Variants in AP3B1 observed in about 807,000 individuals in gnomAD.
The protein encoded by AP3B1 is adaptor related protein complex 3 subunit beta 1.
Under a neutral mutation model 132.5 loss-of-function variants are expected in AP3B1, and 61 were observed. That is an observed-to-expected ratio of 0.46 (90% CI 0.37 to 0.57). The LOEUF (loss-of-function observed/expected upper bound fraction) is 0.57, where lower values mean the gene tolerates loss of function less well. AP3B1 is among the 20% of genes least tolerant of loss of function. The pLI, the probability that AP3B1 is intolerant of heterozygous loss-of-function variation, is 0.00. For missense variants in AP3B1, 1,120 were observed against 1,289.4 expected (o/e 0.87, Z 2.01); for synonymous variants, 388 against 438.3 (o/e 0.89, Z 1.43).
chr5:78,130,929 A>T (rs1406360439), intron 15 of AP3B1, among the ~76,000 whole-genome samples: 1 of 152,004 alleles, frequency 6.6e-6, no homozygotes, highest in Non-Finnish European at 1.5e-5. Context: ...ATTAATTTTT[A>T]GGAAATTAAA....
intron 20 of AP3B1, among the ~76,000 whole-genome samples, chr5:78,107,572 T>C (rs1751388304): frequency 6.6e-6 from 1 of 152,164 alleles, no homozygotes; most frequent in Non-Finnish European, 1.5e-5. Flanking sequence ...AAGTAGGAGT[T>C]ACCCTTGGGG....
intron 22 of AP3B1, among the ~76,000 whole-genome samples, chr5:78,086,703 C>T (rs1750271629): frequency 6.6e-6 from 1 of 152,152 alleles, no homozygotes; most frequent in African/African-American, 2.4e-5. Flanking sequence ...ACAGACTGTA[C>T]CATGTCCCTC....
intron 7 of AP3B1, among the ~76,000 whole-genome samples, chr5:78,209,995 G>A (rs1745667594): frequency 6.6e-6 from 1 of 152,134 alleles, no homozygotes; most frequent in Non-Finnish European, 1.5e-5. Flanking sequence ...GAAGAGAGGA[G>A]ACATTATTTC....
chr5:78,015,630 T>C, intron 25 of AP3B1, 82 bp from the exon 26 acceptor site: 9 of 1,431,188 alleles, frequency 6.3e-6, no homozygotes, highest in Non-Finnish European at 6.8e-6. Flanking sequence ...ATGGCCAAAA[T>C]TTTAACTTTT....
chr5:78,065,299 G>A (rs1272748086), intron 22 of AP3B1, among the ~76,000 whole-genome samples: 1 of 152,164 alleles, frequency 6.6e-6, no homozygotes, highest in Non-Finnish European at 1.5e-5. Context: ...TGAGACTCGT[G>A]AGTTCAAGAG....
intron 13 of AP3B1, among the ~76,000 whole-genome samples, chr5:78,159,333 T>C (rs1418514890): frequency 6.6e-6 from 1 of 152,200 alleles, no homozygotes; most frequent in African/African-American, 2.4e-5. Flanking sequence ...TTTCCTATTG[T>C]TGCTGTCACA....
At chr5:78,037,313 A>G (rs961223173) in intron 23 of AP3B1, among the ~76,000 whole-genome samples, 9 of 152,150 alleles carry the variant, frequency 5.9e-5, no homozygotes, top group African/African-American at 2.2e-4. Context: ...TTTTTTAACT[A>G]GGTAAAAAAG....
At chr5:78,289,675 A>G (rs1749428492) in intron 1 of AP3B1, among the ~76,000 whole-genome samples, 1 of 152,018 alleles carries the variant, frequency 6.6e-6, no homozygotes, top group Non-Finnish European at 1.5e-5. Flanking sequence ...TTTTCCTGTT[A>G]GCATCTTCTT....
At chr5:78,034,282 C>T (rs1040244867) in intron 24 of AP3B1, 79 bp downstream of exon 24, 41 of 1,095,412 alleles carry the variant, frequency 3.7e-5, no homozygotes, top group Middle Eastern at 2.4e-4. Context: ...CACACACACA[C>T]AAAAGCTGTT....
At chr5:78,004,823 A>G (rs1347012140) in intron 26 of AP3B1, among the ~76,000 whole-genome samples, 1 of 152,214 alleles carries the variant, frequency 6.6e-6, no homozygotes, top group East Asian at 1.9e-4. Flanking sequence ...CCAGTTTAGG[A>G]ATATAAATCA....
intron 25 of AP3B1, among the ~76,000 whole-genome samples, chr5:78,019,414 C>T (rs772510211): frequency 1.3e-5 from 2 of 152,080 alleles, no homozygotes; most frequent in Non-Finnish European, 2.9e-5. Context: ...AAAAGAATAT[C>T]CCCTTAACAA....
chr5:78,273,986 T>A (rs1580577082), intron 1 of AP3B1, among the ~76,000 whole-genome samples: 1 of 102,020 alleles, frequency 9.8e-6, no homozygotes, highest in Non-Finnish European at 1.9e-5. Context: ...TTACGAGACA[T>A]ACTAAAAACA....
intron 15 of AP3B1, among the ~76,000 whole-genome samples, chr5:78,140,771 C>T (rs1013322461): frequency 6.6e-5 from 10 of 152,224 alleles, no homozygotes; most frequent in Non-Finnish European, 1.2e-4. Flanking sequence ...TTTCTTGACT[C>T]TGACCCTGTG....
intron 11 of AP3B1, among the ~76,000 whole-genome samples, chr5:78,172,522 T>C (rs553230895): frequency 6.2e-4 from 95 of 152,370 alleles, no homozygotes; most frequent in African/African-American, 2.1e-3. Flanking sequence ...TTGATTTGCA[T>C]AGAGGTATTT....
intron 22 of AP3B1, among the ~76,000 whole-genome samples, chr5:78,070,420 A>C (rs1260646815): frequency 6.6e-6 from 1 of 151,830 alleles, no homozygotes; most frequent in African/African-American, 2.4e-5. Flanking sequence ...AAAAAAAAAA[A>C]AAAAACTAAA....
chr5:78,185,122 T>A (rs1460714833), intron 7 of AP3B1, among the ~76,000 whole-genome samples: 1 of 152,108 alleles, frequency 6.6e-6, no homozygotes, highest in East Asian at 1.9e-4. Context: ...AAAATATATT[T>A]CAGGAATGAA....
chr5:78,150,689 G>A (rs1753604892), intron 14 of AP3B1, among the ~76,000 whole-genome samples: 2 of 152,042 alleles, frequency 1.3e-5, no homozygotes, highest in South Asian at 4.1e-4. Context: ...TTGACACATG[G>A]GAAAAGTGAG....
At chr5:78,191,894 C>G (rs967242832) in intron 7 of AP3B1, among the ~76,000 whole-genome samples, 1 of 152,058 alleles carries the variant, frequency 6.6e-6, no homozygotes, top group Non-Finnish European at 1.5e-5. Context: ...ATGTTTCGCT[C>G]TTATTGCCCA....
chr5:78,139,550 TA>T (rs1270740663), intron 15 of AP3B1, among the ~76,000 whole-genome samples: 5 of 152,228 alleles, frequency 3.3e-5, no homozygotes, highest in Non-Finnish European at 5.9e-5. Context: ...TATGCTCCAT[TA>T]TTTGCAATTA....
Sources: allele counts gnomAD v4.1 joint callset (sites outside exome capture counted in the v4.1 genomes callset), GRCh38; gene constraint gnomAD v4.1.1; transcripts MANE v1.5; gene names NCBI Gene and HGNC (gene_info 2026-07-23, HGNC 2026-07-21).